The following MAML2 variants were observed in gnomAD, a reference collection of about 807,000 sequenced individuals.
MAML2 encodes the protein mastermind-like protein 2.
MAML2 carries 22 observed loss-of-function variants against 96.1 expected under a neutral mutation model. The ratio of observed to expected loss-of-function variants is 0.23; its 90% CI spans 0.16 to 0.33. The LOEUF is 0.33. Ranked by LOEUF, MAML2 falls within the 10% of genes least tolerant of loss-of-function variation. The pLI, the probability that MAML2 is intolerant of heterozygous loss-of-function variation, is 1.00. For missense variants in MAML2, 1,367 were observed against 1,392.4 expected, an observed-to-expected ratio of 0.98 and a Z score of 0.29; for synonymous variants, 561 against 521.3, an observed-to-expected ratio of 1.08 and a Z score of -1.04.
chr11:96,317,708 C>A (rs567044211), intron 1 of MAML2, among the ~76,000 whole-genome samples: 1 of 152,322 alleles, frequency 6.6e-6, no homozygotes, highest in South Asian at 2.1e-4. Flanking sequence ...CAGGGAGCAG[C>A]TCCTTGGTCA....
intron 1 of MAML2, among the ~76,000 whole-genome samples, chr11:96,165,262 G>A (rs1453116717): frequency 6.6e-6 from 1 of 152,096 alleles, no homozygotes; most frequent in East Asian, 1.9e-4. Context: ...CACCTTGAAA[G>A]GCTTGTTAAA....
At chr11:96,277,402 T>C (rs781588241) in intron 1 of MAML2, among the ~76,000 whole-genome samples, 3 of 152,136 alleles carry the variant, frequency 2.0e-5, no homozygotes, top group Non-Finnish European at 2.9e-5. Context: ...TCCATTACTT[T>C]GAAATATACA....
chr11:96,068,938 T>TA (rs1859293735), intron 2 of MAML2, among the ~76,000 whole-genome samples: 1 of 100,448 alleles, frequency 1.0e-5, no homozygotes, highest in African/African-American at 4.2e-5. Context: ...TTTTTTTTTT[T>TA]AAAGAGACAG....
In MAML2 at chr11:96,267,749, C is replaced by T. The variant is rs1164936771; in HGVS notation, c.513+73634G>A. Among the ~76,000 whole-genome samples the T allele has an allele frequency of 2.6e-5, 4 of 152,210 alleles. No homozygotes were observed. The East Asian group carries it at 7.7e-4, about 29-fold the overall frequency. On this transcript the variant is annotated intron_variant, in intron 1 of 4. Transcript: ENST00000524717. ...TAGTTTCAGCTAGTCACACTTCAGG[C>T]TGAGACTGTGAGTAGAGTCTAATTA...
chr11:96,075,260 G>A (rs552298194), intron 2 of MAML2, among the ~76,000 whole-genome samples: 2 of 152,228 alleles, frequency 1.3e-5, no homozygotes, highest in East Asian at 3.9e-4. Context: ...TGAAATGTAA[G>A]GAAATAGGAT....
chr11:96,281,840 A>G (rs933765465), intron 1 of MAML2, among the ~76,000 whole-genome samples: 5 of 152,136 alleles, frequency 3.3e-5, no homozygotes, highest in African/African-American at 1.2e-4. Context: ...ACTGTACTCC[A>G]GCGTGGGTGG....
intron 2 of MAML2, among the ~76,000 whole-genome samples, chr11:96,060,092 A>G (rs1859131404): frequency 6.6e-6 from 1 of 152,258 alleles, no homozygotes; most frequent in African/African-American, 2.4e-5. Context: ...AGGGAACAGC[A>G]CAAAGGCATG....
intron 2 of MAML2, among the ~76,000 whole-genome samples, chr11:96,027,786 C>T (rs896263617): frequency 6.6e-6 from 1 of 152,174 alleles, no homozygotes; most frequent in African/African-American, 2.4e-5. Context: ...GGCTGGAGTG[C>T]AGTGGCATGA....
chr11:96,153,164 T>TC (rs1860951504), intron 1 of MAML2, among the ~76,000 whole-genome samples: 1 of 151,054 alleles, frequency 6.6e-6, no homozygotes. Context: ...TTTTAGAATT[T>TC]TTTTTTTTTT....
At chr11:96,050,422 A>T (rs1858972680) in intron 2 of MAML2, among the ~76,000 whole-genome samples, 1 of 152,208 alleles carries the variant, frequency 6.6e-6, no homozygotes, top group Non-Finnish European at 1.5e-5. Context: ...TGTAAGAATG[A>T]ATCCTTCACA....
chr11:96,280,256 G>A (rs1336341654), intron 1 of MAML2, among the ~76,000 whole-genome samples: 2 of 152,142 alleles, frequency 1.3e-5, no homozygotes, highest in African/African-American at 4.8e-5. Context: ...TTAACTAGCT[G>A]TGTATCTCTC....
At chr11:96,271,964 C>T (rs1862921801) in intron 1 of MAML2, among the ~76,000 whole-genome samples, 1 of 152,294 alleles carries the variant, frequency 6.6e-6, no homozygotes, top group East Asian at 1.9e-4. Context: ...CAGGGATACT[C>T]CTGTCTCAGA....
intron 1 of MAML2, among the ~76,000 whole-genome samples, chr11:96,198,226 T>G (rs1861759432): frequency 6.6e-6 from 1 of 152,160 alleles, no homozygotes; most frequent in Non-Finnish European, 1.5e-5. Flanking sequence ...TTGATGACAG[T>G]GAGTTTGCTT....
intron 1 of MAML2, among the ~76,000 whole-genome samples, chr11:96,185,895 T>C (rs754490839): frequency 2.0e-5 from 3 of 152,200 alleles, no homozygotes; most frequent in Non-Finnish European, 4.4e-5. Context: ...TTTAATGTAA[T>C]ATGTATAGCA....
intron 2 of MAML2, among the ~76,000 whole-genome samples, chr11:96,089,025 T>C (rs939102073): frequency 6.6e-6 from 1 of 150,864 alleles, no homozygotes; most frequent in Admixed American, 6.6e-5. Flanking sequence ...CAGTAAATCG[T>C]CCTGTTTGAC....
intron 2 of MAML2, among the ~76,000 whole-genome samples, chr11:96,074,617 C>T (rs1859404767): frequency 6.6e-6 from 1 of 152,230 alleles, no homozygotes; most frequent in Non-Finnish European, 1.5e-5. Context: ...TTTGCAACTG[C>T]ATTTGGATTC....
At chr11:96,081,256 T>C (rs4603268) in intron 2 of MAML2, among the ~76,000 whole-genome samples, 34,470 of 151,764 alleles carry the variant, frequency 0.23, 4,382 homozygotes, top group South Asian at 0.34. Context: ...GGAAAGCCTT[T>C]ACTGAATTAA....
rs189725050 is a variant in MAML2 at position 96,077,415 on chromosome 11, T to A, written c.2139+14477A>T. Among the ~76,000 whole-genome samples, 797 of 151,912 alleles carry A rather than the reference T, an allele frequency of 5.2e-3. 6 individuals carry two copies. Among genetic ancestry groups the A allele is most frequent in the African/African-American group, 0.018 (741 of 41,404 alleles). Reference sequence around the variant, plus strand: ...TTTGTATTTTTGGTAGAGACAGGGTTTCACTATGTTGGCCAGGCTGGTCTT... The same window carrying A: ...TTTGTATTTTTGGTAGAGACAGGGTATCACTATGTTGGCCAGGCTGGTCTT... On this transcript the variant is annotated intron_variant, in intron 2 of 4. Transcript: ENST00000524717.
chr11:96,061,937 G>A (rs967702867), intron 2 of MAML2, among the ~76,000 whole-genome samples: 5 of 151,950 alleles, frequency 3.3e-5, no homozygotes, highest in African/African-American at 1.2e-4. Flanking sequence ...GTTCAGCATA[G>A]ACATTTCACT....
Sources: gnomAD v4.1 joint callset for allele counts (sites outside exome capture counted in the v4.1 genomes callset) on GRCh38, gnomAD v4.1.1 for gene constraint, MANE v1.5 for transcripts, NCBI Gene and HGNC (gene_info 2026-07-23, HGNC 2026-07-21) for gene names.